GRIP1: variants seen among roughly 807,000 people sequenced by gnomAD.
GRIP1 encodes the protein glutamate receptor-interacting protein 1.
In GRIP1, 45 loss-of-function variants were observed where a neutral mutation model predicts 129.9. That is an observed-to-expected ratio of 0.35 (90% CI 0.27 to 0.44). The LOEUF (loss-of-function observed/expected upper bound fraction) is 0.44. Ranked by LOEUF, GRIP1 falls within the 20% of genes least tolerant of loss-of-function variation. The pLI, the probability that GRIP1 is intolerant of heterozygous loss-of-function variation, is 1.00. For synonymous variants in GRIP1, 530 were observed against 520.8 expected (o/e 1.02, Z -0.24); for missense variants, 1,196 against 1,396.8 (o/e 0.86, Z 2.29).
chr12:67,061,150 T>C (rs936025268), intron 1 of GRIP1, among the ~76,000 whole-genome samples: 1 of 152,212 alleles, frequency 6.6e-6, no homozygotes, highest in Non-Finnish European at 1.5e-5. Context: ...TTGAACTTCA[T>C]TTTGGAAGAC....
In GRIP1 at chr12:66,465,312, C is replaced by T; in HGVS notation, c.835G>A (p.Val279Ile). Reference protein sequence around the residue: ...TSMCCNKQVIVIDKIKSASIA... With the variant: ...TSMCCNKQVIIIDKIKSASIA... ...CTTGCAGATTTGATTTTGTCTATGA[C>T]AATGACTTGTTTGTTACAGCACATC... The change falls in exon 8 of 25, where the codon GTC (valine) becomes ATC (isoleucine). Residue 279 changes from valine to isoleucine, a missense_variant. Val to Ile is a conservative substitution (Grantham distance 29, BLOSUM62 3). Around this residue, in one of 5 missense-constraint regions of GRIP1, gnomAD observed 508 missense variants for 587.0 expected, o/e 0.87. Transcript: ENST00000359742. 6.2e-7 allele frequency: 1 copy of T among 1,613,988 alleles called. No individual in the cohort carries two copies. The highest frequency in any genetic ancestry group is 8.5e-7 in the Non-Finnish European group (1 of 1,179,852).
Position 66,641,366 on chromosome 12 carries a change from G to A in GRIP1, c.55+37484C>T, listed in dbSNP as rs565199049. Among the ~76,000 whole-genome samples the A allele has an allele frequency of 3.3e-5, 5 of 152,302 alleles. No individual in the cohort carries two copies. The South Asian group carries it at 6.2e-4, about 19-fold the overall frequency. Reference sequence around the variant, plus strand: ...ACATCTGAGGGGAGCTTTAAGAGATGAGCCTAAATAAGTCAGATTGGGGGA... The same window carrying A: ...ACATCTGAGGGGAGCTTTAAGAGATAAGCCTAAATAAGTCAGATTGGGGGA... On this transcript the variant is annotated intron_variant, in intron 1 of 24. Coordinates refer to ENST00000359742, the MANE Select transcript of GRIP1 (RefSeq NM_001366722.1).
At chr12:66,754,013 G>C (rs2037206897) in intron 1 of GRIP1, among the ~76,000 whole-genome samples, 1 of 152,158 alleles carries the variant, frequency 6.6e-6, no homozygotes, top group Non-Finnish European at 1.5e-5. Context: ...GGATAAACAT[G>C]GTTCATTTTT....
chr12:66,455,287 C>A, intron 11 of GRIP1, 122 bp downstream of exon 11: 1 of 907,078 alleles, frequency 1.1e-6, no homozygotes, highest in South Asian at 1.3e-5. Flanking sequence ...GTTAGCTGCT[C>A]AGCATCTACC....
At chr12:66,976,039 T>G (rs2042146660) in intron 1 of GRIP1, among the ~76,000 whole-genome samples, 1 of 152,248 alleles carries the variant, frequency 6.6e-6, no homozygotes. Context: ...TTTGGGATCC[T>G]TTTTTAAAAG....
At chr12:66,757,373 G>A (rs2037327897) in intron 1 of GRIP1, among the ~76,000 whole-genome samples, 1 of 152,080 alleles carries the variant, frequency 6.6e-6, no homozygotes, top group Admixed American at 6.5e-5. Flanking sequence ...TTAACATAAT[G>A]ACCTTCAGTT....
chr12:66,752,560 C>A (rs2037162026), intron 1 of GRIP1, among the ~76,000 whole-genome samples: 1 of 152,216 alleles, frequency 6.6e-6, no homozygotes, highest in East Asian at 1.9e-4. Context: ...CAGCCTTATA[C>A]ATATAGGCAA....
At chr12:66,683,539 G>A (rs1223966517), upstream of GRIP1, among the ~76,000 whole-genome samples, 1 of 152,188 alleles carries the variant, frequency 6.6e-6, no homozygotes, top group East Asian at 1.9e-4. Flanking sequence ...AAGTAATGAT[G>A]CCCTTTAGGA....
intron 1 of GRIP1, among the ~76,000 whole-genome samples, chr12:66,668,048 T>G (rs2033889057): frequency 6.6e-6 from 1 of 152,182 alleles, no homozygotes; most frequent in Non-Finnish European, 1.5e-5. Context: ...TTCTCCTATT[T>G]TTAGAACTGC....
intron 1 of GRIP1, among the ~76,000 whole-genome samples, chr12:66,877,759 T>A (rs148482036): frequency 1.2e-3 from 182 of 152,146 alleles, no homozygotes; most frequent in African/African-American, 4.3e-3. Context: ...ATAAAACATA[T>A]CTGGCAGAAA....
intron 1 of GRIP1, among the ~76,000 whole-genome samples, chr12:66,691,022 T>G (rs2034966265): frequency 6.6e-6 from 1 of 152,138 alleles, no homozygotes; most frequent in South Asian, 2.1e-4. Context: ...GTAAATAGGT[T>G]CCCTTTTCTC....
At chr12:67,013,565 T>C (rs1398912423) in intron 1 of GRIP1, among the ~76,000 whole-genome samples, 3 of 152,178 alleles carry the variant, frequency 2.0e-5, no homozygotes, top group Non-Finnish European at 4.4e-5. Flanking sequence ...ACAAATCCAG[T>C]ATTCATGCAC....
chr12:67,052,920 A>G (rs2870927), intron 1 of GRIP1, among the ~76,000 whole-genome samples: 143,827 of 152,274 alleles, frequency 0.94, 68,515 homozygotes, highest in East Asian at 1. Context: ...TAGTGTAGGA[A>G]TTAGACTTAG....
chr12:67,057,998 G>GA (rs2043467131), intron 1 of GRIP1, among the ~76,000 whole-genome samples: 1 of 152,160 alleles, frequency 6.6e-6, no homozygotes, highest in South Asian at 2.1e-4. Context: ...AGGACAATGT[G>GA]AAAATCCTTA....
At chr12:67,068,622 C>A (rs1284801122) in intron 1 of GRIP1, among the ~76,000 whole-genome samples, 3 of 151,966 alleles carry the variant, frequency 2.0e-5, no homozygotes, top group African/African-American at 7.3e-5. Context: ...CGAGGGTGGC[C>A]GCGGGAGGTG....
chr12:66,556,167 T>A (rs2062325372), intron 2 of GRIP1, among the ~76,000 whole-genome samples: 1 of 151,946 alleles, frequency 6.6e-6, no homozygotes, highest in Non-Finnish European at 1.5e-5. Flanking sequence ...GAAAGAATCC[T>A]AAAGGCAGCA....
At chr12:66,641,104 C>G (rs1168195024) in intron 1 of GRIP1, among the ~76,000 whole-genome samples, 3 of 152,208 alleles carry the variant, frequency 2.0e-5, no homozygotes, top group Non-Finnish European at 4.4e-5. Flanking sequence ...ATGGCTTTAT[C>G]TGACATGCTG....
intron 11 of GRIP1, among the ~76,000 whole-genome samples, chr12:66,453,523 A>G (rs1000770450): frequency 1.3e-5 from 2 of 152,218 alleles, no homozygotes; most frequent in African/African-American, 4.8e-5. Flanking sequence ...CTTTGAGAGC[A>G]CTGTCAAGAG....
intron 1 of GRIP1, among the ~76,000 whole-genome samples, chr12:66,736,308 T>C (rs1005225447): frequency 2.8e-5 from 4 of 145,348 alleles, no homozygotes; most frequent in South Asian, 2.2e-4. Flanking sequence ...ACCTCCCAAG[T>C]TGTTAGGATT....
Sources: allele counts gnomAD v4.1 joint callset (sites outside exome capture counted in the v4.1 genomes callset), GRCh38; gene constraint gnomAD v4.1.1; regional missense constraint gnomAD v4.1.1; transcripts MANE v1.5; gene names NCBI Gene and HGNC (gene_info 2026-07-23, HGNC 2026-07-21).